Variants in EHBP1 observed in about 807,000 individuals in gnomAD.
The protein encoded by EHBP1 is EH domain-binding protein 1.
A neutral mutation model predicts 144.0 loss-of-function variants in EHBP1; 55 were observed. The observed-to-expected ratio is 0.38, with a 90% confidence interval of 0.31 to 0.48. EHBP1 has a LOEUF of 0.48. EHBP1 is among the 20% of genes least tolerant of loss of function. The pLI is 0.98. For missense variants in EHBP1, 1,200 were observed against 1,364.2 expected, an observed-to-expected ratio of 0.88 and a Z score of 1.90; for synonymous variants, 469 against 472.7, an observed-to-expected ratio of 0.99 and a Z score of 0.10.
chr2:62,677,396 T>G (rs2033339792), intron 1 of EHBP1, among the ~76,000 whole-genome samples: 2 of 152,170 alleles, frequency 1.3e-5, no homozygotes, highest in Non-Finnish European at 1.5e-5. Flanking sequence ...TAAATATGTG[T>G]GGGTTACATG....
intron 19 of EHBP1, among the ~76,000 whole-genome samples, chr2:63,017,000 A>G (rs987579532): frequency 6.6e-6 from 1 of 152,220 alleles, no homozygotes; most frequent in Non-Finnish European, 1.5e-5. Context: ...ATCTGAAAAC[A>G]TGGACTTATC....
intron 13 of EHBP1, among the ~76,000 whole-genome samples, chr2:62,952,428 C>T (rs2057440262): frequency 6.6e-6 from 1 of 152,086 alleles, no homozygotes; most frequent in Non-Finnish European, 1.5e-5. Flanking sequence ...GTTTAATTGA[C>T]AGCGTTTGTT....
intron 10 of EHBP1, among the ~76,000 whole-genome samples, chr2:62,882,712 G>A (rs1158249343): frequency 2.0e-5 from 3 of 152,042 alleles, no homozygotes; most frequent in East Asian, 1.9e-4. Flanking sequence ...GAGAAACCTC[G>A]TCTCTACTAA....
rs1290182078 is a variant in EHBP1, at chr2:62,705,933, CA to C, written c.-414del. 1 of 165,510 alleles carries C rather than the reference CA, an allele frequency of 6.0e-6. No homozygotes were observed. The highest frequency in any genetic ancestry group is 2.4e-5 in the African/African-American group (1 of 41,202). The allele number at this position is 165,510 out of a possible 1,614,324, so 10.3% of individuals were successfully genotyped here. ...AGCGCCGTGGCTGGCTTGGCTGTTC[CA>C]TGTGGCTCCGGCGGGGATGGAGGAC... is the stretch of plus-strand genomic sequence containing the variant. On this transcript the variant is annotated 5_prime_UTR_variant, in exon 1 of 23. An upstream start codon of the reference 5' UTR is lost. Transcript: ENST00000431489.
chr2:62,711,205 C>A (rs1353887579), intron 2 of EHBP1, among the ~76,000 whole-genome samples: 1 of 152,174 alleles, frequency 6.6e-6, no homozygotes, highest in African/African-American at 2.4e-5. Flanking sequence ...GTATAATTTA[C>A]ACTTGCATAT....
At chr2:62,903,392 G>A (rs1348215358) in intron 10 of EHBP1, among the ~76,000 whole-genome samples, 1 of 152,076 alleles carries the variant, frequency 6.6e-6, no homozygotes, top group Non-Finnish European at 1.5e-5. Flanking sequence ...ATCCATGCAA[G>A]AAGATTGTAA....
chr2:62,993,442 T>C (rs1010964156), intron 16 of EHBP1, 88 bp from the exon 17 acceptor site: 1 of 1,223,676 alleles, frequency 8.2e-7, no homozygotes, highest in African/African-American at 1.5e-5. Context: ...ATCAGTGTTA[T>C]CTTAAATCAG....
At chr2:62,950,507 G>A (rs1489131895) in intron 13 of EHBP1, among the ~76,000 whole-genome samples, 1 of 152,000 alleles carries the variant, frequency 6.6e-6, no homozygotes, top group African/African-American at 2.4e-5. Context: ...AACATCTAAT[G>A]AGTTCATTGT....
intron 19 of EHBP1, among the ~76,000 whole-genome samples, chr2:63,014,639 C>G (rs1472109808): frequency 6.6e-6 from 1 of 152,028 alleles, no homozygotes; most frequent in African/African-American, 2.4e-5. Flanking sequence ...CCATCCATAC[C>G]TAGAAAGAAG....
At chr2:62,852,402 C>G (rs2048742930) in intron 7 of EHBP1, among the ~76,000 whole-genome samples, 1 of 151,572 alleles carries the variant, frequency 6.6e-6, no homozygotes, top group African/African-American at 2.4e-5. Flanking sequence ...TCATAATTAA[C>G]TGCTATTATT....
chr2:62,991,271 T>TA (rs2059402442), intron 16 of EHBP1, among the ~76,000 whole-genome samples: 1 of 151,278 alleles, frequency 6.6e-6, no homozygotes, highest in African/African-American at 2.4e-5. Flanking sequence ...ATTAATTAAT[T>TA]AAAAAAATTG....
At chr2:62,975,935 C>CAT (rs59815286) in intron 14 of EHBP1, among the ~76,000 whole-genome samples, 5 of 134,372 alleles carry the variant, frequency 3.7e-5, no homozygotes, top group South Asian at 2.6e-4. Flanking sequence ...CACACACACA[C>CAT]ATATATAGTA....
rs144592048 is a variant in EHBP1 at position 62,960,871 on chromosome 2, A to G, written c.2460+5211A>G. 2.8e-3 allele frequency among the ~76,000 whole-genome samples: 434 copies of G among 152,302 alleles called. 4 individuals are homozygous for G. The highest frequency in any genetic ancestry group is 9.8e-3 in the African/African-American group (407 of 41,570). On this transcript the variant is annotated intron_variant, in intron 14 of 22. Coordinates refer to ENST00000431489, the MANE Select transcript of EHBP1 (RefSeq NM_001142616.3). ...CCACTTGGGTACTTAAGCTTATATCATTCTTTCCTTGCTATTCTCGAATCG... is the reference window on the plus strand; with the variant it reads ...CCACTTGGGTACTTAAGCTTATATCGTTCTTTCCTTGCTATTCTCGAATCG...
intron 14 of EHBP1, among the ~76,000 whole-genome samples, chr2:62,964,447 A>G (rs571120573): frequency 1.3e-5 from 2 of 152,354 alleles, no homozygotes; most frequent in East Asian, 3.9e-4. Flanking sequence ...CTCAGCATGC[A>G]CAAGAGTTTA....
intron 13 of EHBP1, among the ~76,000 whole-genome samples, chr2:62,955,300 T>C (rs535895038): frequency 2.0e-5 from 3 of 152,276 alleles, no homozygotes; most frequent in African/African-American, 7.2e-5. Flanking sequence ...TTTAATCCAG[T>C]TTTAGACAGT....
intron 2 of EHBP1, among the ~76,000 whole-genome samples, chr2:62,739,784 A>T (rs1387426855): frequency 1.3e-5 from 2 of 151,996 alleles, no homozygotes; most frequent in African/African-American, 2.4e-5. Flanking sequence ...AAAAAAATTT[A>T]AAATTAGCTG....
chr2:62,934,509 G>C (rs1416483165), intron 10 of EHBP1, among the ~76,000 whole-genome samples: 1 of 152,160 alleles, frequency 6.6e-6, no homozygotes, highest in African/African-American at 2.4e-5. Flanking sequence ...TTTGGCACCA[G>C]GTTTACTTAA....
chr2:62,695,470 C>G (rs968008531), intron 1 of EHBP1, among the ~76,000 whole-genome samples: 1 of 152,124 alleles, frequency 6.6e-6, no homozygotes, highest in African/African-American at 2.4e-5. Context: ...AAAGAAGATT[C>G]TTTAATCTCT....
At chr2:62,877,030 G>C (rs2050944041) in intron 10 of EHBP1, among the ~76,000 whole-genome samples, 1 of 152,130 alleles carries the variant, frequency 6.6e-6, no homozygotes, top group African/African-American at 2.4e-5. Flanking sequence ...TATCCAACTT[G>C]CCATTGTGTG....
Sources: allele counts gnomAD v4.1 joint callset (sites outside exome capture counted in the v4.1 genomes callset), GRCh38; gene constraint gnomAD v4.1.1; transcripts MANE v1.5; gene names NCBI Gene and HGNC (gene_info 2026-07-23, HGNC 2026-07-21).